PSORS1C1: variants seen among roughly 807,000 people sequenced by gnomAD.
PSORS1C1 encodes psoriasis susceptibility 1 candidate gene 1 protein.
In PSORS1C1, 7 loss-of-function variants were observed where a neutral mutation model predicts 9.4. The observed-to-expected ratio is 0.75, with a 90% CI of 0.42 to 1.40. The LOEUF is 1.40. Ranked by LOEUF, PSORS1C1 falls within the 40% of genes most tolerant of loss-of-function variation. The pLI is 0.01. For missense variants in PSORS1C1, 146 were observed against 178.1 expected (o/e 0.82, Z 1.02); for synonymous variants, 63 against 69.4 (o/e 0.91, Z 0.46).
chr6:31,120,401 G>A lies in PSORS1C1; in HGVS notation c.-228-5275G>A. On this transcript the variant is annotated intron_variant, in intron 1 of 5. Coordinates refer to ENST00000259881, the MANE Select transcript of PSORS1C1 (RefSeq NM_014068.3). ...TGCCCACCCACACGCCCCATCCAGG[G>A]TGCCCGAGACGAGCCCATCTCGGAC... The A allele has an allele frequency of 2.5e-6, 4 of 1,590,976 alleles. No homozygotes were observed. In the South Asian group the frequency reaches 4.6e-5, roughly 18 times the overall value.
intron 1 of PSORS1C1, among the ~76,000 whole-genome samples, chr6:31,120,015 A>G (rs139036857): frequency 5.3e-5 from 8 of 152,330 alleles, no homozygotes; most frequent in African/African-American, 1.9e-4. Flanking sequence ...TAAATGTCCA[A>G]TCATTATCTT....
chr6:31,117,602 A>C, intron 1 of PSORS1C1: 273 of 1,337,478 alleles, frequency 2.0e-4, no homozygotes, highest in Non-Finnish European at 2.6e-4. Context: ...GCCTTATCTC[A>C]GTCATCGGCC....
At chr6:31,129,377 A>G (rs1265707488) in intron 2 of PSORS1C1, among the ~76,000 whole-genome samples, 192 bp from the exon 3 acceptor site, 1 of 152,186 alleles carries the variant, frequency 6.6e-6, no homozygotes, top group Non-Finnish European at 1.5e-5. Context: ...TCTAATCTGA[A>G]TGGATAAGCC....
chr6:31,117,500 A>G, intron 1 of PSORS1C1: 10 of 1,551,172 alleles, frequency 6.4e-6, no homozygotes, highest in Non-Finnish European at 8.7e-6. Context: ...CAAGGGTCTG[A>G]GAAGGTGCCA....
At chr6:31,117,767 T>C in intron 1 of PSORS1C1, 2 of 567,418 alleles carry the variant, frequency 3.5e-6, no homozygotes, top group Non-Finnish European at 6.3e-6. Context: ...AAATAGAAAA[T>C]TAGGTGCCAA....
At chr6:31,127,246 T>A (rs1772720430) in intron 2 of PSORS1C1, among the ~76,000 whole-genome samples, 1 of 152,070 alleles carries the variant, frequency 6.6e-6, no homozygotes, top group African/African-American at 2.4e-5. Context: ...GGGACTGTGG[T>A]GGCCCATCTT....
intron 1 of PSORS1C1, among the ~76,000 whole-genome samples, chr6:31,125,229 C>T (rs1772626901): frequency 6.6e-6 from 1 of 152,198 alleles, no homozygotes; most frequent in Non-Finnish European, 1.5e-5. Context: ...CTCTGGGGCT[C>T]CAGGGCCTGT....
chr6:31,123,731 G>A (rs1484664865), intron 1 of PSORS1C1, among the ~76,000 whole-genome samples: 2 of 152,254 alleles, frequency 1.3e-5, no homozygotes, highest in Admixed American at 1.3e-4. Context: ...GCCCTGTGCT[G>A]CTGTGTTTGC....
rs761471567 is a variant in PSORS1C1, at chr6:31,138,757, A to C, written c.145A>C (p.Met49Leu). 6.2e-7 allele frequency: 1 copy of C among 1,614,068 alleles called. No individual in the cohort carries two copies. The change falls in exon 5 of 6, where the codon ATG becomes CTG. Residue 49 changes from methionine (M) to leucine (L), a missense_variant. Physicochemically the swap from Met to Leu is conservative, Grantham distance 15. Coordinates refer to ENST00000259881, the MANE Select transcript of PSORS1C1 (RefSeq NM_014068.3). ...CGTTAATCCTGACCGACTTTGCCAC[A>C]TGGAGCCAGCAAACCATTTCTGGTG... ...PHVNPDRLCH[M>L]EPANHFWHAG...
intron 1 of PSORS1C1, chr6:31,117,631 C>T: frequency 2.0e-6 from 2 of 986,812 alleles, no homozygotes; most frequent in Non-Finnish European, 3.1e-6. Flanking sequence ...TTCTCCCAAG[C>T]AGAGCGCAGG....
At chr6:31,137,145 TA>T (rs754076735) in intron 3 of PSORS1C1, among the ~76,000 whole-genome samples, 33 of 122,034 alleles carry the variant, frequency 2.7e-4, no homozygotes, top group South Asian at 1.3e-3. Flanking sequence ...AGACTCCGTC[TA>T]AAAAAAAAAG....
rs775085323 is a variant in PSORS1C1 at position 31,139,855 on chromosome 6, T to C, written c.382T>C (p.Ser128Pro). 7 of 1,612,954 alleles carry C rather than the reference T, an allele frequency of 4.3e-6. No individual in the cohort carries two copies. The highest frequency in any genetic ancestry group is 5.1e-6 in the Non-Finnish European group (6 of 1,180,036). ...PPPSGIHLSA[S>P]RTLAPTLLYS... ...TCCCTCAGGAATCCACCTATCCGCC[T>C]CTAGGACCTTGGCTCCAACTCTATT... Residue 128 changes from serine to proline, a missense_variant, in exon 6 of 6, where the codon TCT (serine) becomes CCT (proline). Physicochemically the swap from Ser to Pro is moderately conservative, Grantham distance 74. Coordinates refer to ENST00000259881, the MANE Select transcript of PSORS1C1 (RefSeq NM_014068.3). The surrounding 1 kb of genome is among the most constrained non-coding windows in gnomAD (Gnocchi z 5.2).
At chr6:31,129,745 G>A in intron 3 of PSORS1C1, 100 bp downstream of exon 3, 1 of 739,198 alleles carries the variant, frequency 1.4e-6, no homozygotes, top group Non-Finnish European at 2.5e-6. Context: ...AGAGAAGGAA[G>A]GGATACAAAG....
At chr6:31,126,881 G>A (rs759019277) in intron 2 of PSORS1C1, among the ~76,000 whole-genome samples, 2 of 152,130 alleles carry the variant, frequency 1.3e-5, no homozygotes, top group East Asian at 1.9e-4. Context: ...GGCTGTTTCC[G>A]TCACACCCTG....
At chr6:31,116,916 G>A (rs759331023) in intron 1 of PSORS1C1, 1 of 1,614,048 alleles carries the variant, frequency 6.2e-7, no homozygotes, top group African/African-American at 1.3e-5. Flanking sequence ...CGGAGTGCGA[G>A]ACGATGGGCC....
Position 31,115,956 on chromosome 6 carries a change from C to T in PSORS1C1, c.-229+1065C>T. 1 of 1,412,028 alleles carries T rather than the reference C, an allele frequency of 7.1e-7. No individual in the cohort carries two copies. Among genetic ancestry groups the T allele is most frequent in the Non-Finnish European group, 1.0e-6 (1 of 1,001,314 alleles). The allele number at this position is 1,412,028 out of a possible 1,614,324, so 87.5% of individuals were successfully genotyped here. On this transcript the variant is annotated intron_variant, in intron 1 of 5. Transcript: ENST00000259881. The surrounding 1 kb of genome is among the most constrained non-coding windows in gnomAD (Gnocchi z 4.2). ...AACCCTATGCCTGGGCACTGGACTT[C>T]TCCCATATGGGATATAGTGTATGTG...
chr6:31,115,683 G>A lies in PSORS1C1; in HGVS notation c.-229+792G>A. ...AGAGCATTTCAGGGGTTTCCCAGTT[G>A]AGAAGCTGATGGGGGTGTTACTCAA... On this transcript the variant is annotated intron_variant, in intron 1 of 5. Coordinates refer to ENST00000259881, the MANE Select transcript of PSORS1C1 (RefSeq NM_014068.3). The surrounding 1 kb of genome is among the most constrained non-coding windows in gnomAD (Gnocchi z 4.2). 2 of 353,106 alleles carry A rather than the reference G, an allele frequency of 5.7e-6. No homozygotes were observed. Among genetic ancestry groups the A allele is most frequent in the Non-Finnish European group, 1.0e-5 (2 of 194,540 alleles). 21.9% of individuals were successfully genotyped at this position (353,106 alleles called of 1,614,324 possible). A position where few individuals can be genotyped will look rare whatever the true frequency, so the allele number is the denominator to read the frequency against.
Position 31,115,116 on chromosome 6 carries a change from T to C in PSORS1C1, c.-229+225T>C. 1 of 352,030 alleles carries C rather than the reference T, an allele frequency of 2.8e-6. No homozygotes were observed. Among genetic ancestry groups the C allele is most frequent in the Non-Finnish European group, 5.5e-6 (1 of 180,258 alleles). 21.8% of individuals were successfully genotyped at this position (352,030 alleles called of 1,614,324 possible). On this transcript the variant is annotated intron_variant, in intron 1 of 5. Transcript: ENST00000259881. The surrounding 1 kb of genome is among the most constrained non-coding windows in gnomAD (Gnocchi z 4.2). ...TTCAGTTCAACAAATATTTATTGTC[T>C]TCCTCCTCTGTGGGAGCAGCTGGAA...
At position 31,138,237 on chromosome 6, in the gene PSORS1C1, G is replaced by A. The variant is rs1457901552; in HGVS notation, c.14-193G>A. 2 of 1,568,012 alleles carry A rather than the reference G, an allele frequency of 1.3e-6. No homozygotes were observed. Among genetic ancestry groups the A allele is most frequent in the African/African-American group, 1.4e-5 (1 of 73,496 alleles). ...GGGGACTGGGGGGCCCTGAGGCAAT[G>A]TTGGGGAGCCTGCCTCCTCTCGGTC... On this transcript the variant is annotated intron_variant, in intron 3 of 5. Transcript: ENST00000259881.
Sources: gnomAD v4.1 joint callset for allele counts (sites outside exome capture counted in the v4.1 genomes callset) on GRCh38, gnomAD v4.1.1 for gene constraint, Gnocchi (gnomAD v3.1) non-coding constraint, MANE v1.5 for transcripts, NCBI Gene and HGNC (gene_info 2026-07-23, HGNC 2026-07-21) for gene names.